NDE1: variants seen among roughly 807,000 people sequenced by gnomAD.
The protein encoded by NDE1 is nuclear distribution protein nudE homolog 1.
In NDE1, 28 loss-of-function variants were observed where a neutral mutation model predicts 43.4. The observed-to-expected ratio is 0.65, with a 90% confidence interval of 0.48 to 0.89. The LOEUF (loss-of-function observed/expected upper bound fraction) is 0.89. Among genes scored for constraint, NDE1 ranks in the 40% least tolerant of loss-of-function variants. The pLI is 0.00. For synonymous variants in NDE1, 184 were observed against 172.0 expected (o/e 1.07, Z -0.55); for missense variants, 441 against 434.1 (o/e 1.02, Z -0.14).
chr16:15,691,028 G>A (rs890010653), intron 5 of NDE1, 116 bp from the exon 6 acceptor site: 167 of 1,254,036 alleles, frequency 1.3e-4, no homozygotes, highest in Non-Finnish European at 1.7e-4. Context: ...GGCTGGTCTC[G>A]AACTCCTGAC....
chr16:15,721,387 A>T (rs1431421223), intron 8 of NDE1: 1 of 1,609,954 alleles, frequency 6.2e-7, no homozygotes, highest in Non-Finnish European at 8.5e-7. Flanking sequence ...GGGCAGGCGA[A>T]ACATGGACGA....
rs549641687 is a variant in NDE1, at chr16:15,687,130, G to A, written c.387-245G>A. The stretch of plus-strand genomic sequence containing the variant: ...TGGCTTATTGCTGAGTGCTGTGTGG[G>A]CAGCATCTTATTTAATCCTCATGAC... On this transcript the variant is annotated intron_variant, in intron 4 of 8. Coordinates refer to ENST00000396354, the MANE Select transcript of NDE1 (RefSeq NM_017668.3). The A allele has an allele frequency of 1.2e-5, 17 of 1,387,444 alleles. No individual in the cohort carries two copies. In the East Asian group the frequency reaches 1.5e-4, roughly 12 times the overall value. The allele number at this position is 1,387,444 out of a possible 1,614,324, so 85.9% of individuals were successfully genotyped here.
chr16:15,653,311 T>C (rs890854753), intron 1 of NDE1, among the ~76,000 whole-genome samples: 9 of 152,178 alleles, frequency 5.9e-5, no homozygotes, highest in African/African-American at 2.2e-4. Flanking sequence ...AGTATTTTTG[T>C]AGGTTGATCA....
At chr16:15,689,186 G>A (rs576842746) in intron 5 of NDE1, among the ~76,000 whole-genome samples, 36 of 152,286 alleles carry the variant, frequency 2.4e-4, no homozygotes, top group African/African-American at 8.4e-4. Flanking sequence ...AGATAGAAAT[G>A]TTGTGGTAGA....
chr16:15,682,784 G>A (rs1165200858), intron 4 of NDE1, among the ~76,000 whole-genome samples: 2 of 152,076 alleles, frequency 1.3e-5, no homozygotes, highest in African/African-American at 4.8e-5. Context: ...GAGTGCAGTG[G>A]TGCGATCTTA....
upstream of NDE1, among the ~76,000 whole-genome samples, chr16:15,649,886 G>T (rs983745986): frequency 1.3e-5 from 2 of 152,218 alleles, no homozygotes; most frequent in African/African-American, 4.8e-5. Flanking sequence ...GAAAGTGCAA[G>T]AATGGGAAAA....
chr16:15,718,728 G>T, intron 8 of NDE1: 1 of 521,512 alleles, frequency 1.9e-6, no homozygotes, highest in Admixed American at 3.2e-5. Context: ...GGGAATGAAT[G>T]AAAGCAGCCA....
chr16:15,717,914 G>C, intron 8 of NDE1: 1 of 317,808 alleles, frequency 3.1e-6, no homozygotes, highest in African/African-American at 2.1e-5. Flanking sequence ...TACACCACAA[G>C]GGGCTGCAGG....
chr16:15,646,570 G>A (rs2036333211), upstream of NDE1, among the ~76,000 whole-genome samples: 1 of 149,958 alleles, frequency 6.7e-6, no homozygotes, highest in Non-Finnish European at 1.5e-5. Context: ...AACAGAACGA[G>A]ACTCCGTCAA....
At chr16:15,688,140 C>T (rs531938007) in intron 5 of NDE1, among the ~76,000 whole-genome samples, 3 of 152,332 alleles carry the variant, frequency 2.0e-5, no homozygotes, top group Admixed American at 2.0e-4. Flanking sequence ...GGCACCAGTG[C>T]ACTCCAGCCT....
chr16:15,710,612 A>T (rs2039726782), intron 8 of NDE1, among the ~76,000 whole-genome samples: 1 of 152,102 alleles, frequency 6.6e-6, no homozygotes, highest in Admixed American at 6.6e-5. Flanking sequence ...CTGTATCCCC[A>T]TCGCTCAGCC....
At chr16:15,665,241 A>T (rs2037242957) in intron 2 of NDE1, among the ~76,000 whole-genome samples, 1 of 152,012 alleles carries the variant, frequency 6.6e-6, no homozygotes, top group African/African-American at 2.4e-5. Context: ...GCAGTGTGAA[A>T]GGCTTAACTT....
chr16:15,699,797 A>G lies in NDE1; in HGVS notation c.947+2937A>G, dbSNP rs369581234. On this transcript the variant is annotated intron_variant, in intron 8 of 8. Coordinates refer to ENST00000396354, the MANE Select transcript of NDE1 (RefSeq NM_017668.3). ...TCTTCATCGCCGCTGCCGTCAGCCCAGGGGGTAGTCAAGATGTTGCTTTAG... is the reference window on the plus strand; with the variant it reads ...TCTTCATCGCCGCTGCCGTCAGCCCGGGGGGTAGTCAAGATGTTGCTTTAG... 10 of 1,351,452 alleles carry G rather than the reference A, an allele frequency of 7.4e-6. No individual in the cohort carries two copies. The South Asian group carries it at 8.0e-5, about 11-fold the overall frequency. The allele number at this position is 1,351,452 out of a possible 1,614,324, so 83.7% of individuals were successfully genotyped here. A position where few individuals can be genotyped will look rare whatever the true frequency, so the allele number is the denominator to read the frequency against.
chr16:15,681,659 G>T (rs2038191181), intron 4 of NDE1, among the ~76,000 whole-genome samples: 3 of 152,080 alleles, frequency 2.0e-5, no homozygotes, highest in African/African-American at 7.2e-5. Context: ...ACAGTATTGG[G>T]AGTTTGTCAT....
chr16:15,719,729 G>A lies in NDE1; in HGVS notation c.948-4462G>A, dbSNP rs2050060739. On this transcript the variant is annotated intron_variant, in intron 8 of 8. Coordinates refer to ENST00000396354, the MANE Select transcript of NDE1 (RefSeq NM_017668.3). ...TCATCTGAGCCTGCATGAGTCAACA[G>A]GGAGGACAAGCTCAGATGTCCTTAC... 3.1e-6 allele frequency: 5 copies of A among 1,613,774 alleles called. No homozygotes were observed. Among genetic ancestry groups the A allele is most frequent in the South Asian group, 2.2e-5 (2 of 91,078 alleles).
rs118006838 is a variant in NDE1 at position 15,685,411 on chromosome 16, C to T, written c.387-1964C>T. ...TGGGACTACAGGCACGCATCATGCA[C>T]GGCTAATTTTTTTACTTTTTGTAGA... On this transcript the variant is annotated intron_variant, in intron 4 of 8. Transcript: ENST00000396354. 5.1e-3 allele frequency among the ~76,000 whole-genome samples: 769 copies of T among 152,058 alleles called. 3 individuals carry two copies. The highest frequency in any genetic ancestry group is 0.032 in the East Asian group (166 of 5,154).
intron 8 of NDE1, among the ~76,000 whole-genome samples, chr16:15,723,472 C>T (rs1596727362): frequency 3.3e-5 from 5 of 152,254 alleles, no homozygotes; most frequent in Admixed American, 2.6e-4. Flanking sequence ...CATGGCAAAA[C>T]CCCATCTCTA....
At chr16:15,666,302 C>G (rs757536737) in intron 2 of NDE1, among the ~76,000 whole-genome samples, 1 of 151,974 alleles carries the variant, frequency 6.6e-6, no homozygotes, top group Non-Finnish European at 1.5e-5. Context: ...TTCCAGTCCC[C>G]TTAGTTTCTT....
chr16:15,710,396 C>G (rs1296005574), intron 8 of NDE1, among the ~76,000 whole-genome samples: 1 of 152,180 alleles, frequency 6.6e-6, no homozygotes, highest in East Asian at 1.9e-4. Context: ...TGGCACGCAC[C>G]TGTAATCTCA....
Sources: gnomAD v4.1 joint callset for allele counts (sites outside exome capture counted in the v4.1 genomes callset) on GRCh38, gnomAD v4.1.1 for gene constraint, MANE v1.5 for transcripts, NCBI Gene and HGNC (gene_info 2026-07-23, HGNC 2026-07-21) for gene names.